The following HMGN3 variants were observed in gnomAD, a reference collection of about 807,000 sequenced individuals.
HMGN3 encodes high mobility group nucleosome-binding domain-containing protein 3.
In HMGN3, 6 loss-of-function variants were observed where a neutral mutation model predicts 18.8. The ratio of observed to expected loss-of-function variants is 0.32; its 90% CI spans 0.18 to 0.63. HMGN3 has a LOEUF of 0.63. Among genes scored for constraint, HMGN3 ranks in the 30% least tolerant of loss-of-function variants. HMGN3 has a pLI of 0.79. For synonymous variants in HMGN3, 40 were observed against 36.5 expected (o/e 1.10, Z -0.35); for missense variants, 107 against 114.2 (o/e 0.94, Z 0.29).
intron 1 of HMGN3, among the ~76,000 whole-genome samples, chr6:79,229,663 G>C (rs1454369131): frequency 1.3e-5 from 2 of 152,166 alleles, no homozygotes; most frequent in African/African-American, 4.8e-5. Context: ...GGATCACGAG[G>C]TCAGGAGATC....
chr6:79,211,011 CAAAAAA>C (rs59749044), intron 2 of HMGN3, among the ~76,000 whole-genome samples: 2 of 89,746 alleles, frequency 2.2e-5, no homozygotes, highest in East Asian at 7.3e-4. Flanking sequence ...GAAATTAATG[CAAAAAA>C]AAAAAAAAAA....
chr6:79,205,076 A>C (rs1776350075), intron 3 of HMGN3, among the ~76,000 whole-genome samples: 1 of 152,124 alleles, frequency 6.6e-6, no homozygotes. Flanking sequence ...GCCTCTGAGG[A>C]GGCTCTGTTT....
chr6:79,211,930 A>G (rs1395042944), intron 2 of HMGN3, among the ~76,000 whole-genome samples: 1 of 152,054 alleles, frequency 6.6e-6, no homozygotes, highest in East Asian at 1.9e-4. Flanking sequence ...CTTGAAACAC[A>G]TGGACTATTC....
At chr6:79,208,603 T>G (rs1322154287) in intron 2 of HMGN3, 27 bp from the exon 3 acceptor site, 1 of 1,569,574 alleles carries the variant, frequency 6.4e-7, no homozygotes, top group Admixed American at 1.7e-5. Flanking sequence ...AAAATATACA[T>G]ATTTTTTGGT....
intron 1 of HMGN3, chr6:79,233,588 AT>A (rs1777966411): frequency 6.6e-6 from 1 of 152,160 alleles, no homozygotes; most frequent in South Asian, 2.1e-4. Flanking sequence ...ATCCTCACTG[AT>A]TTCTCAGGGA....
Position 79,215,769 on chromosome 6 carries a change from T to C in HMGN3, c.16-747A>G, listed in dbSNP as rs115400855. Among the ~76,000 whole-genome samples the C allele has an allele frequency of 5.3e-3, 806 of 152,358 alleles. 8 individuals carry two copies. Among genetic ancestry groups the C allele is most frequent in the African/African-American group, 0.018 (741 of 41,576 alleles). The stretch of plus-strand genomic sequence containing the variant: ...TAAAGTAAAATGTACTTTGGATTTA[T>C]TGGACACTGCACATGTCCCAATATT... On this transcript the variant is annotated intron_variant, in intron 1 of 5. Transcript: ENST00000344726.
At chr6:79,202,122 T>G in intron 5 of HMGN3, 1 of 1,548,422 alleles carries the variant, frequency 6.5e-7, no homozygotes, top group South Asian at 1.2e-5. Context: ...CCTCTGGAGG[T>G]TGAGACATTA....
chr6:79,208,651 C>A (rs1561986560), intron 2 of HMGN3, 75 bp from the exon 3 acceptor site: 1 of 1,064,616 alleles, frequency 9.4e-7, no homozygotes, highest in Non-Finnish European at 1.5e-6. Flanking sequence ...AAAATCTATT[C>A]TTAATATACC....
intron 2 of HMGN3, among the ~76,000 whole-genome samples, chr6:79,211,147 G>T (rs1452066182): frequency 6.6e-6 from 1 of 150,686 alleles, no homozygotes; most frequent in African/African-American, 2.4e-5. Context: ...CATTAAAAAA[G>T]ACTTTTCTTA....
At chr6:79,206,718 T>G (rs969683369) in intron 3 of HMGN3, among the ~76,000 whole-genome samples, 1 of 152,200 alleles carries the variant, frequency 6.6e-6, no homozygotes, top group African/African-American at 2.4e-5. Flanking sequence ...AGAGGGCCAC[T>G]GCCCTCCAGA....
At chr6:79,227,885 TG>T (rs1777637221) in intron 1 of HMGN3, among the ~76,000 whole-genome samples, 1 of 152,208 alleles carries the variant, frequency 6.6e-6, no homozygotes, top group Admixed American at 6.5e-5. Context: ...CTAGGTGCTA[TG>T]GGGGATGAAA....
chr6:79,232,767 G>T (rs1335535), intron 1 of HMGN3, among the ~76,000 whole-genome samples: 138,574 of 151,990 alleles, frequency 0.91, 63,710 homozygotes, highest in East Asian at 1. Flanking sequence ...TGTAAACAAT[G>T]GTTATAATTC....
chr6:79,225,813 G>T (rs1346878686), intron 1 of HMGN3, among the ~76,000 whole-genome samples: 1 of 152,152 alleles, frequency 6.6e-6, no homozygotes. Context: ...AAGATTTCAT[G>T]GTAATGCTCC....
chr6:79,218,934 A>T (rs1364481168), intron 1 of HMGN3, among the ~76,000 whole-genome samples: 2 of 152,220 alleles, frequency 1.3e-5, no homozygotes, highest in Non-Finnish European at 2.9e-5. Context: ...TGAGGAATTA[A>T]GAATGCAACA....
At chr6:79,206,059 T>G (rs190520935) in intron 3 of HMGN3, among the ~76,000 whole-genome samples, 1 of 152,130 alleles carries the variant, frequency 6.6e-6, no homozygotes, top group Non-Finnish European at 1.5e-5. Flanking sequence ...CAGAAAAGCA[T>G]TCAAGAGGTG....
chr6:79,221,146 A>C (rs984343819), intron 1 of HMGN3, among the ~76,000 whole-genome samples: 1 of 152,218 alleles, frequency 6.6e-6, no homozygotes, highest in African/African-American at 2.4e-5. Context: ...ACTCCCTAAT[A>C]CAAATTACAT....
intron 3 of HMGN3, among the ~76,000 whole-genome samples, chr6:79,208,018 C>G (rs765069810): frequency 2.0e-5 from 3 of 152,154 alleles, no homozygotes; most frequent in Non-Finnish European, 4.4e-5. Context: ...TCAGCCACAT[C>G]TGCCCATCTC....
At chr6:79,206,207 A>G (rs1220236745) in intron 3 of HMGN3, among the ~76,000 whole-genome samples, 4 of 152,232 alleles carry the variant, frequency 2.6e-5, no homozygotes, top group Non-Finnish European at 5.9e-5. Context: ...GGCTGCAGAA[A>G]TTTGCATGAG....
chr6:79,227,267 T>C (rs1777607176), intron 1 of HMGN3, among the ~76,000 whole-genome samples: 1 of 152,228 alleles, frequency 6.6e-6, no homozygotes, highest in Non-Finnish European at 1.5e-5. Flanking sequence ...ACATTTTTTT[T>C]TCCATTAGAA....
Sources: allele counts gnomAD v4.1 joint callset (sites outside exome capture counted in the v4.1 genomes callset), GRCh38; gene constraint gnomAD v4.1.1; transcripts MANE v1.5; gene names NCBI Gene and HGNC (gene_info 2026-07-23, HGNC 2026-07-21).